The following DCHS2 variants were observed in gnomAD, a reference collection of about 807,000 sequenced individuals.
DCHS2 encodes the protein dachsous cadherin-related 2.
DCHS2 carries 142 observed loss-of-function variants against 182.4 expected under a neutral mutation model. The observed-to-expected ratio is 0.78, with a 90% CI of 0.68 to 0.89. The LOEUF (loss-of-function observed/expected upper bound fraction) is 0.89, where lower values mean the gene tolerates loss of function less well. Ranked by LOEUF, DCHS2 falls within the 40% of genes least tolerant of loss-of-function variation. The probability of loss-of-function intolerance (pLI) is 0.00; values close to 1 mark genes in which losing one functional copy is unlikely to be tolerated. For missense variants in DCHS2, 4,319 were observed against 4,198.6 expected (o/e 1.03, Z -0.79); for synonymous variants, 1,740 against 1,663.3 (o/e 1.05, Z -1.12).
At chr4:154,463,692 T>TTCTCTCTCTC (rs5863102) in intron 1 of DCHS2, among the ~76,000 whole-genome samples, 7 of 145,374 alleles carry the variant, frequency 4.8e-5, no homozygotes, top group African/African-American at 1.5e-4. Context: ...ATTCTCTCTT[T>TTCTCTCTCTC]TCTCTCTCTC....
chr4:154,350,602 C>G (rs1729563765), intron 3 of DCHS2, among the ~76,000 whole-genome samples: 1 of 152,124 alleles, frequency 6.6e-6, no homozygotes, highest in Admixed American at 6.5e-5. Flanking sequence ...TCTTCTACAT[C>G]TTAGATATTT....
At chr4:154,425,712 T>C (rs1218738339) in intron 1 of DCHS2, among the ~76,000 whole-genome samples, 1 of 152,228 alleles carries the variant, frequency 6.6e-6, no homozygotes, top group African/African-American at 2.4e-5. Context: ...AAAGCCACAA[T>C]GCTTAAATGA....
In DCHS2 at chr4:154,264,421, A is replaced by C. The variant is rs983514685; in HGVS notation, c.6578-4665T>G. ...TTCAAAAGACAAAGAGTTGAAAAAA[A>C]TTCAACAGAACTACTGGAAATGAAA... On this transcript the variant is annotated intron_variant, in intron 14 of 19. Transcript: ENST00000357232. Among the ~76,000 whole-genome samples, 4 of 152,220 alleles carry C rather than the reference A, an allele frequency of 2.6e-5. No homozygotes were observed. In the East Asian group the frequency reaches 7.7e-4, roughly 29 times the overall value.
At chr4:154,458,398 G>A (rs574748713) in intron 1 of DCHS2, among the ~76,000 whole-genome samples, 2 of 152,144 alleles carry the variant, frequency 1.3e-5, no homozygotes, top group South Asian at 4.2e-4. Flanking sequence ...CAGCTGTTAC[G>A]GTTTTTCTTC....
Position 154,462,044 on chromosome 4 carries a change from G to A in DCHS2, c.2052+27260C>T, listed in dbSNP as rs73854788. On this transcript the variant is annotated intron_variant, in intron 1 of 19. Coordinates refer to ENST00000357232, the MANE Select transcript of DCHS2 (RefSeq NM_001358235.2). ...AGGAAAGGGACAGAAACCACCTGGC[G>A]GGAACACACCCACCTCACCCGCCCC... is the stretch of plus-strand genomic sequence containing the variant. 7.1e-3 allele frequency among the ~76,000 whole-genome samples: 1,082 copies of A among 152,172 alleles called. 29 individuals are homozygous for A. The South Asian group carries it at 0.089, about 13-fold the overall frequency.
chr4:154,281,515 C>T (rs570301904), intron 13 of DCHS2, among the ~76,000 whole-genome samples: 1 of 151,998 alleles, frequency 6.6e-6, no homozygotes, highest in Non-Finnish European at 1.5e-5. Flanking sequence ...CAAAACATTA[C>T]TGAAGGAAAT....
At chr4:154,248,650 G>C (rs750431532) in intron 16 of DCHS2, among the ~76,000 whole-genome samples, 2 of 67,066 alleles carry the variant, frequency 3.0e-5, no homozygotes, top group Admixed American at 1.2e-4. Flanking sequence ...GTAAAAAGAA[G>C]AAAGCCGGAG....
Position 154,239,245 on chromosome 4 carries a change from CTG to C in DCHS2, c.7415_7416del (p.Thr2472ArgfsTer6). 3.1e-6 allele frequency: 5 copies of C among 1,613,496 alleles called. No homozygotes were observed. The highest frequency in any genetic ancestry group is 4.2e-6 in the Non-Finnish European group (5 of 1,179,714). ...VGYSVLTLSA[T>X]DLESNENISY... ...GAAATGTTCTCATTGCTTTCTAAGT[CTG>C]TGGCTGACAGAGTCAGCACTGAATA... is the stretch of plus-strand genomic sequence containing the variant. On this transcript the variant is annotated frameshift_variant, in exon 19 of 20. Transcript: ENST00000357232. LOFTEE classifies it high-confidence loss of function.
chr4:154,251,106 A>AGAT (rs1188547837), intron 16 of DCHS2, among the ~76,000 whole-genome samples: 1 of 152,200 alleles, frequency 6.6e-6, no homozygotes, highest in African/African-American at 2.4e-5. Context: ...ATTTTGAAAA[A>AGAT]GATAATTAAC....
At chr4:154,296,325 G>A (rs985269023) in intron 13 of DCHS2, among the ~76,000 whole-genome samples, 26 of 152,276 alleles carry the variant, frequency 1.7e-4, no homozygotes, top group South Asian at 2.1e-4. Context: ...TTGGAAATGC[G>A]AGGGGTGGAG....
chr4:154,323,173 T>C (rs1736143318), intron 7 of DCHS2: 9 of 1,546,382 alleles, frequency 5.8e-6, no homozygotes, highest in Middle Eastern at 1.7e-4. Context: ...ACGTGTAGCA[T>C]AATATGTTCC....
intron 1 of DCHS2, among the ~76,000 whole-genome samples, chr4:154,406,123 T>G (rs912629965): frequency 3.3e-5 from 5 of 152,256 alleles, no homozygotes; most frequent in Non-Finnish European, 5.9e-5. Flanking sequence ...TCTTCCCAAC[T>G]GCATCTGTTC....
intron 1 of DCHS2, among the ~76,000 whole-genome samples, chr4:154,471,749 G>A (rs76336116): frequency 0.011 from 1,739 of 152,122 alleles, 10 homozygotes; most frequent in Non-Finnish European, 0.019. Flanking sequence ...ATGCTTTAGA[G>A]TGTGAGATTG....
chr4:154,401,838 C>T (rs906317145), intron 1 of DCHS2, among the ~76,000 whole-genome samples: 3 of 152,090 alleles, frequency 2.0e-5, no homozygotes, highest in Non-Finnish European at 4.4e-5. Context: ...ATTAAAAATA[C>T]AAAAAATTAT....
chr4:154,488,634 G>A (rs1237498996), intron 1 of DCHS2, among the ~76,000 whole-genome samples: 1 of 152,098 alleles, frequency 6.6e-6, no homozygotes, highest in Non-Finnish European at 1.5e-5. Context: ...TGGGCGTGGT[G>A]GCTCACCCCT....
intron 13 of DCHS2, among the ~76,000 whole-genome samples, chr4:154,283,273 C>G (rs1734239073): frequency 6.6e-6 from 1 of 151,784 alleles, no homozygotes; most frequent in South Asian, 2.1e-4. Flanking sequence ...AAAATCACTC[C>G]TGATGTGAGA....
chr4:154,403,916 A>G (rs1732295720), intron 1 of DCHS2, among the ~76,000 whole-genome samples: 1 of 152,096 alleles, frequency 6.6e-6, no homozygotes, highest in Non-Finnish European at 1.5e-5. Context: ...GGTATGTGGG[A>G]TCTGCCATTA....
chr4:154,288,906 G>A (rs768781278), intron 13 of DCHS2, among the ~76,000 whole-genome samples: 13 of 151,878 alleles, frequency 8.6e-5, no homozygotes, highest in Admixed American at 3.3e-4. Context: ...ATAGCAAATC[G>A]TATGGGATCC....
At chr4:154,427,287 TATAA>T (rs1733370813) in intron 1 of DCHS2, among the ~76,000 whole-genome samples, 1 of 151,194 alleles carries the variant, frequency 6.6e-6, no homozygotes, top group Non-Finnish European at 1.5e-5. Context: ...CTAACTGGTG[TATAA>T]ATAGACTAAC....
Sources: gnomAD v4.1 joint callset for allele counts (sites outside exome capture counted in the v4.1 genomes callset) on GRCh38, gnomAD v4.1.1 for gene constraint, MANE v1.5 for transcripts, NCBI Gene and HGNC (gene_info 2026-07-23, HGNC 2026-07-21) for gene names.